The following GALNT17 variants were observed in gnomAD, a reference collection of about 807,000 sequenced individuals.
The protein encoded by GALNT17 is polypeptide N-acetylgalactosaminyltransferase 17.
A neutral mutation model predicts 63.7 loss-of-function variants in GALNT17; 29 were observed. The ratio of observed to expected loss-of-function variants is 0.46; its 90% confidence interval spans 0.34 to 0.62. The LOEUF (loss-of-function observed/expected upper bound fraction) is 0.62, where lower values mean the gene tolerates loss of function less well. GALNT17 is among the 20% of genes least tolerant of loss of function. The probability of loss-of-function intolerance (pLI) is 0.01; values close to 1 mark genes in which losing one functional copy is unlikely to be tolerated. For synonymous variants in GALNT17, 305 were observed against 318.3 expected (o/e 0.96, Z 0.45); for missense variants, 603 against 799.6 (o/e 0.75, Z 2.97).
rs201610995 is a variant in GALNT17 at position 71,538,798 on chromosome 7, G to GGGAAGGA, written c.963-32477_963-32471dup. On this transcript the variant is annotated intron_variant, in intron 5 of 10. Transcript: ENST00000333538. ...TCTCATCTTCTATTGAAGGGAGGAAGGGAAGGAGGAAGGAGGGAAGGACGG... is the reference window on the plus strand; with the variant it reads ...TCTCATCTTCTATTGAAGGGAGGAAGGGAAGGAGGAAGGAGGAAGGAGGGAAGGACGG... Among the ~76,000 whole-genome samples, 972 of 151,960 alleles carry GGGAAGGA rather than the reference G, an allele frequency of 6.4e-3. 14 individuals are homozygous for GGGAAGGA. Among genetic ancestry groups the GGGAAGGA allele is most frequent in the African/African-American group, 0.023 (940 of 41,418 alleles).
At chr7:71,248,422 A>G (rs1344922672) in intron 1 of GALNT17, among the ~76,000 whole-genome samples, 2 of 152,192 alleles carry the variant, frequency 1.3e-5, no homozygotes, top group Non-Finnish European at 2.9e-5. Flanking sequence ...AAATCCATGT[A>G]TAAGTGGACC....
intron 1 of GALNT17, among the ~76,000 whole-genome samples, chr7:71,151,173 G>A (rs1788126244): frequency 6.6e-6 from 1 of 152,130 alleles, no homozygotes; most frequent in Non-Finnish European, 1.5e-5. Flanking sequence ...CTAAGTGACA[G>A]GCCAGGCTGT....
intron 2 of GALNT17, among the ~76,000 whole-genome samples, chr7:71,345,110 C>T (rs1792066936): frequency 6.7e-6 from 1 of 149,816 alleles, no homozygotes; most frequent in East Asian, 2.0e-4. Context: ...GCAAGGCTTT[C>T]TAAGCCCCCA....
chr7:71,380,324 A>G (rs1326339411), intron 2 of GALNT17, among the ~76,000 whole-genome samples: 1 of 152,050 alleles, frequency 6.6e-6, no homozygotes. Flanking sequence ...CTTATTTTTT[A>G]TTAGTATTAA....
At chr7:71,227,625 T>C (rs7790269) in intron 1 of GALNT17, among the ~76,000 whole-genome samples, 14,412 of 152,150 alleles carry the variant, frequency 0.095, 1,021 homozygotes, top group East Asian at 0.22. Context: ...TCGTTTGCTC[T>C]CACCATTTGA....
At chr7:71,403,886 T>C (rs938297170) in intron 3 of GALNT17, among the ~76,000 whole-genome samples, 1 of 152,208 alleles carries the variant, frequency 6.6e-6, no homozygotes, top group African/African-American at 2.4e-5. Context: ...AGGAAGAGAT[T>C]CGCCAGCTTC....
At chr7:71,422,671 GC>G (rs1786688178) in intron 5 of GALNT17, among the ~76,000 whole-genome samples, 1 of 152,218 alleles carries the variant, frequency 6.6e-6, no homozygotes, top group African/African-American at 2.4e-5. Context: ...AGCTCCCGAA[GC>G]CCCAGTGGGC....
intron 6 of GALNT17, among the ~76,000 whole-genome samples, chr7:71,572,989 T>G (rs1356135354): frequency 6.6e-6 from 1 of 152,028 alleles, no homozygotes; most frequent in Non-Finnish European, 1.5e-5. Flanking sequence ...CTATTTTTTG[T>G]TTTTTTATTT....
chr7:71,373,794 T>G (rs1049836941), intron 2 of GALNT17, among the ~76,000 whole-genome samples: 1 of 152,126 alleles, frequency 6.6e-6, no homozygotes, highest in Non-Finnish European at 1.5e-5. Flanking sequence ...AAAATTGCCT[T>G]CCATGAAACC....
At chr7:71,608,313 C>T (rs1430887830) in intron 6 of GALNT17, among the ~76,000 whole-genome samples, 1 of 152,024 alleles carries the variant, frequency 6.6e-6, no homozygotes, top group Non-Finnish European at 1.5e-5. Flanking sequence ...ATACTGTTTC[C>T]CACTTGCCAC....
intron 1 of GALNT17, among the ~76,000 whole-genome samples, chr7:71,246,631 C>A (rs1790103246): frequency 6.6e-6 from 1 of 151,622 alleles, no homozygotes; most frequent in Non-Finnish European, 1.5e-5. Flanking sequence ...GAGATCGAGA[C>A]CATCCTGGCT....
chr7:71,268,268 A>G (rs1790526289), intron 1 of GALNT17, among the ~76,000 whole-genome samples: 1 of 151,998 alleles, frequency 6.6e-6, no homozygotes, highest in Admixed American at 6.6e-5. Context: ...CTGGCTAGGC[A>G]TGGTGGCTCA....
chr7:71,150,551 CCCA>C (rs1175335587), intron 1 of GALNT17, among the ~76,000 whole-genome samples: 1 of 146,688 alleles, frequency 6.8e-6, no homozygotes, highest in Non-Finnish European at 1.5e-5. Context: ...CTTGCTGTGT[CCCA>C]GGCTGGAGTG....
At chr7:71,182,854 C>T (rs1408781621) in intron 1 of GALNT17, among the ~76,000 whole-genome samples, 3 of 152,148 alleles carry the variant, frequency 2.0e-5, no homozygotes, top group Non-Finnish European at 2.9e-5. Flanking sequence ...TCATCTTGCC[C>T]ATTTGTCAGA....
chr7:71,517,891 G>A (rs1456831286), intron 5 of GALNT17, among the ~76,000 whole-genome samples: 1 of 152,224 alleles, frequency 6.6e-6, no homozygotes, highest in Non-Finnish European at 1.5e-5. Flanking sequence ...GGTGTCATAA[G>A]TGTGACACAT....
chr7:71,669,345 A>T (rs532332476), intron 7 of GALNT17, among the ~76,000 whole-genome samples: 3 of 151,942 alleles, frequency 2.0e-5, no homozygotes, highest in South Asian at 4.2e-4. Flanking sequence ...ATGAAACCCC[A>T]TCTCTAAATA....
intron 1 of GALNT17, among the ~76,000 whole-genome samples, chr7:71,232,418 C>T (rs1789807794): frequency 6.6e-6 from 1 of 151,992 alleles, no homozygotes; most frequent in African/African-American, 2.4e-5. Flanking sequence ...TCCAGGGTTA[C>T]TTGTATTTTA....
At chr7:71,435,959 G>T (rs1786953719) in intron 5 of GALNT17, among the ~76,000 whole-genome samples, 2 of 147,682 alleles carry the variant, frequency 1.4e-5, no homozygotes, top group Admixed American at 6.8e-5. Context: ...GGTGGAGCTT[G>T]CAGTGAGCCA....
At chr7:71,542,348 C>A (rs1205165931) in intron 5 of GALNT17, among the ~76,000 whole-genome samples, 3 of 151,594 alleles carry the variant, frequency 2.0e-5, no homozygotes, top group South Asian at 2.1e-4. Flanking sequence ...AAAAAAAAAA[C>A]CTAGAAAATC....
Sources: gnomAD v4.1 joint callset for allele counts (sites outside exome capture counted in the v4.1 genomes callset) on GRCh38, gnomAD v4.1.1 for gene constraint, MANE v1.5 for transcripts, NCBI Gene and HGNC (gene_info 2026-07-23, HGNC 2026-07-21) for gene names.